The following HAO1 variants were observed in gnomAD, a reference collection of about 807,000 sequenced individuals.
HAO1 encodes hydroxyacid oxidase 1.
HAO1 carries 34 observed loss-of-function variants against 39.7 expected under a neutral mutation model. The ratio of observed to expected loss-of-function variants is 0.86; its 90% CI spans 0.65 to 1.14. HAO1 has a LOEUF of 1.14. Among genes scored for constraint, HAO1 ranks in the 50% most tolerant of loss-of-function variants. HAO1 has a pLI of 0.00. For missense variants in HAO1, 479 were observed against 464.5 expected (o/e 1.03, Z -0.29); for synonymous variants, 172 against 173.2 (o/e 0.99, Z 0.05).
chr20:7,907,033 G>A (rs567629651), intron 3 of HAO1, among the ~76,000 whole-genome samples: 2 of 152,178 alleles, frequency 1.3e-5, no homozygotes, highest in African/African-American at 2.4e-5. Context: ...GTGTTAACAT[G>A]ACTGTCTGTT....
chr20:7,915,462 A>G (rs2050302503), intron 2 of HAO1, among the ~76,000 whole-genome samples: 1 of 152,214 alleles, frequency 6.6e-6, no homozygotes, highest in Admixed American at 6.5e-5. Flanking sequence ...TTCAGACTGG[A>G]ACTGCAACAT....
intron 2 of HAO1, among the ~76,000 whole-genome samples, chr20:7,917,508 T>C (rs776330379): frequency 2.6e-5 from 4 of 152,074 alleles, no homozygotes; most frequent in Non-Finnish European, 5.9e-5. Flanking sequence ...TAGATAAATG[T>C]ACTCCCTCAA....
chr20:7,935,629 TA>T (rs2050406572), intron 1 of HAO1, among the ~76,000 whole-genome samples: 2 of 152,234 alleles, frequency 1.3e-5, no homozygotes, highest in Admixed American at 6.5e-5. Flanking sequence ...ATTTGGGTGT[TA>T]AAAAGTTTTT....
chr20:7,909,693 C>T (rs2077968294), intron 3 of HAO1, among the ~76,000 whole-genome samples: 1 of 151,658 alleles, frequency 6.6e-6, no homozygotes, highest in African/African-American at 2.4e-5. Flanking sequence ...CCAATAGTAA[C>T]ACTATTAATC....
Position 7,916,459 on chromosome 20 carries a change from A to G in HAO1, c.290-2040T>C, listed in dbSNP as rs961517376. 2.6e-5 allele frequency among the ~76,000 whole-genome samples: 4 copies of G among 152,194 alleles called. No individual in the cohort carries two copies. The South Asian group carries it at 8.3e-4, about 32-fold the overall frequency. Reference sequence around the variant, plus strand: ...CTTATAAAGCTATAATGAGAGGTTAAAAAGCTTCCATGATTCTCAAACTTT... The same window carrying G: ...CTTATAAAGCTATAATGAGAGGTTAGAAAGCTTCCATGATTCTCAAACTTT... On this transcript the variant is annotated intron_variant, in intron 2 of 7. Transcript: ENST00000378789.
chr20:7,936,177 T>A (rs1341283460), intron 1 of HAO1, among the ~76,000 whole-genome samples: 1 of 152,158 alleles, frequency 6.6e-6, no homozygotes. Context: ...TAAAGAAGTT[T>A]TACTGTGTGA....
intron 3 of HAO1, among the ~76,000 whole-genome samples, chr20:7,909,897 A>C (rs1278207782): frequency 1.3e-5 from 2 of 152,208 alleles, no homozygotes; most frequent in Admixed American, 1.3e-4. Flanking sequence ...ATGGGCCACC[A>C]GCCTTTAATT....
chr20:7,889,807 A>G (rs1477109631), intron 5 of HAO1, among the ~76,000 whole-genome samples: 2 of 152,188 alleles, frequency 1.3e-5, no homozygotes, highest in Admixed American at 1.3e-4. Context: ...TTTTGTAAGC[A>G]ACACAATACT....
chr20:7,907,186 G>C (rs147790371), intron 3 of HAO1, among the ~76,000 whole-genome samples: 1 of 152,002 alleles, frequency 6.6e-6, no homozygotes, highest in Admixed American at 6.6e-5. Flanking sequence ...TGAACTTCTC[G>C]GTCTGCTGAC....
chr20:7,885,576 A>G lies in HAO1; in HGVS notation c.987T>C (p.Val329=). The part of the protein sequence containing the change: ...WGLAFQGEKG[V]QDVLEILKEE... ...CCTTTAGTATCTCGAGGACATCTTGAACACCTTTCTCCCCCTAACCAAGTG... is the reference window on the plus strand; with the variant it reads ...CCTTTAGTATCTCGAGGACATCTTGGACACCTTTCTCCCCCTAACCAAGTG... The change falls in exon 7 of 8, where the codon GTT becomes GTC. Residue 329 remains valine (V), a synonymous_variant. Coordinates refer to ENST00000378789, the MANE Select transcript of HAO1 (RefSeq NM_017545.3). 6.2e-7 allele frequency: 1 copy of G among 1,611,370 alleles called. No homozygotes were observed.
At chr20:7,925,626 G>C (rs1440994390) in intron 2 of HAO1, among the ~76,000 whole-genome samples, 1 of 152,090 alleles carries the variant, frequency 6.6e-6, no homozygotes, top group African/African-American at 2.4e-5. Flanking sequence ...TTAAATAATG[G>C]TTTTAAGGAG....
chr20:7,939,431 G>C (rs2050430434), intron 1 of HAO1, among the ~76,000 whole-genome samples: 1 of 152,132 alleles, frequency 6.6e-6, no homozygotes, highest in Non-Finnish European at 1.5e-5. Flanking sequence ...AGAAATCAGG[G>C]AGGAAGGCTA....
intron 2 of HAO1, among the ~76,000 whole-genome samples, chr20:7,930,313 G>T (rs2050380023): frequency 6.6e-6 from 1 of 152,062 alleles, no homozygotes; most frequent in Non-Finnish European, 1.5e-5. Flanking sequence ...GCTTGCTTGA[G>T]AGGATTTCCA....
intron 1 of HAO1, among the ~76,000 whole-genome samples, chr20:7,938,976 G>A (rs1004754718): frequency 6.6e-6 from 1 of 152,160 alleles, no homozygotes; most frequent in Non-Finnish European, 1.5e-5. Flanking sequence ...AATCTGTCAA[G>A]GGTCTGAAAT....
intron 3 of HAO1, among the ~76,000 whole-genome samples, chr20:7,909,375 A>ATATATATATG (rs1311223380): frequency 1.0e-5 from 1 of 99,778 alleles, no homozygotes; most frequent in African/African-American, 5.5e-5. Flanking sequence ...ATATATATAT[A>ATATATATATG]TATGTATATA....
At chr20:7,938,957 A>G in intron 1 of HAO1, among the ~76,000 whole-genome samples, 1 of 152,170 alleles carries the variant, frequency 6.6e-6, no homozygotes, top group Admixed American at 6.5e-5. Context: ...CTGAGACACT[A>G]ACTCTATAAA....
chr20:7,912,999 G>A (rs929482165), intron 3 of HAO1, among the ~76,000 whole-genome samples: 5 of 152,122 alleles, frequency 3.3e-5, no homozygotes, highest in Non-Finnish European at 5.9e-5. Context: ...AGCAACTTTC[G>A]TGGTGAGATT....
intron 2 of HAO1, among the ~76,000 whole-genome samples, chr20:7,922,535 T>C (rs6055398): frequency 0.56 from 85,353 of 152,034 alleles, 27,138 homozygotes; most frequent in East Asian, 0.99. Flanking sequence ...ATTCCAAGAA[T>C]TCCCTGTGAG....
intron 4 of HAO1, among the ~76,000 whole-genome samples, chr20:7,897,600 A>C (rs2122759059): frequency 6.6e-6 from 1 of 152,148 alleles, no homozygotes; most frequent in Non-Finnish European, 1.5e-5. Flanking sequence ...CCTTTTTTAA[A>C]AAAATCAGAA....
Sources: allele counts gnomAD v4.1 joint callset (sites outside exome capture counted in the v4.1 genomes callset), GRCh38; gene constraint gnomAD v4.1.1; transcripts MANE v1.5; gene names NCBI Gene and HGNC (gene_info 2026-07-23, HGNC 2026-07-21).